RNF145: variants seen among roughly 807,000 people sequenced by gnomAD.
RNF145 encodes ring finger protein 145.
RNF145 carries 12 observed loss-of-function variants against 57.3 expected under a neutral mutation model. The observed-to-expected ratio is 0.21, with a 90% CI of 0.13 to 0.34. The LOEUF (loss-of-function observed/expected upper bound fraction) is 0.34. RNF145 is among the 10% of genes least tolerant of loss of function. The pLI is 1.00. For missense variants in RNF145, 429 were observed against 799.0 expected, an observed-to-expected ratio of 0.54 and a Z score of 5.58; for synonymous variants, 262 against 288.3, an observed-to-expected ratio of 0.91 and a Z score of 0.92.
At chr5:159,184,863 A>C (rs997798897) in intron 3 of RNF145, among the ~76,000 whole-genome samples, 1 of 151,548 alleles carries the variant, frequency 6.6e-6, no homozygotes, top group Non-Finnish European at 1.5e-5. Flanking sequence ...CTTTCTCTAT[A>C]CTCATTACTT....
intron 2 of RNF145, among the ~76,000 whole-genome samples, chr5:159,197,398 T>A (rs906071842): frequency 2.0e-5 from 3 of 152,206 alleles, no homozygotes; most frequent in Non-Finnish European, 4.4e-5. Context: ...AATTTAGACT[T>A]AGCTAATGGT....
At chr5:159,187,616 C>T (rs1471750677) in intron 3 of RNF145, among the ~76,000 whole-genome samples, 5 of 152,088 alleles carry the variant, frequency 3.3e-5, no homozygotes, top group East Asian at 1.9e-4. Context: ...CGTGTGCCAC[C>T]ACTCCCGGCC....
intron 8 of RNF145, among the ~76,000 whole-genome samples, chr5:159,163,778 A>T (rs1784306651): frequency 6.6e-6 from 1 of 152,126 alleles, no homozygotes; most frequent in Non-Finnish European, 1.5e-5. Flanking sequence ...TTTTCCATCC[A>T]AGCTTGTCAA....
chr5:159,159,434 G>T (rs1438050249), intron 10 of RNF145, among the ~76,000 whole-genome samples: 1 of 152,124 alleles, frequency 6.6e-6, no homozygotes, highest in Middle Eastern at 3.2e-3. Context: ...CTACAGTTTT[G>T]CTTCAACACA....
chr5:159,202,336 C>T (rs549906831), intron 2 of RNF145, among the ~76,000 whole-genome samples: 1 of 152,194 alleles, frequency 6.6e-6, no homozygotes, highest in East Asian at 1.9e-4. Flanking sequence ...AATTGGCTAA[C>T]ATACAAAGCC....
chr5:159,189,578 G>A (rs1158127203), intron 3 of RNF145, among the ~76,000 whole-genome samples: 2 of 152,190 alleles, frequency 1.3e-5, no homozygotes. Context: ...ACATGATTCA[G>A]CAATTCCACT....
intron 4 of RNF145, among the ~76,000 whole-genome samples, chr5:159,179,698 TA>T (rs2113149369): frequency 6.6e-6 from 1 of 152,260 alleles, no homozygotes; most frequent in Non-Finnish European, 1.5e-5. Flanking sequence ...ATATCTTCAT[TA>T]TTGAATGTTA....
At chr5:159,206,322 T>C (rs1162097323) in intron 1 of RNF145, among the ~76,000 whole-genome samples, 7 of 152,186 alleles carry the variant, frequency 4.6e-5, no homozygotes, top group Non-Finnish European at 1.0e-4. Context: ...GCTGGTCATG[T>C]ATAAAGGCAC....
At position 159,194,837 on chromosome 5, in the gene RNF145, G is replaced by C. The variant is rs200542899; in HGVS notation, c.185-13C>G. 1 of 1,510,560 alleles carries C rather than the reference G, an allele frequency of 6.6e-7. No homozygotes were observed. Among genetic ancestry groups the C allele is most frequent in the Admixed American group, 2.0e-5 (1 of 51,188 alleles). The allele number at this position is 1,510,560 out of a possible 1,614,324, so 93.6% of individuals were successfully genotyped here. A position where few individuals can be genotyped will look rare whatever the true frequency, so the allele number is the denominator to read the frequency against. On this transcript the variant is annotated splice_polypyrimidine_tract_variant and intron_variant, in intron 2 of 10. Transcript: ENST00000424310. ...CTTAAGATATAACCTGTACCAGAAA[G>C]ATAAATAAAATACAATTTTAATTTA...
intron 3 of RNF145, among the ~76,000 whole-genome samples, chr5:159,183,722 T>G (rs559962279): frequency 6.6e-6 from 1 of 152,248 alleles, no homozygotes; most frequent in South Asian, 2.1e-4. Context: ...CCCAATAATT[T>G]CTTTTTGGTC....
At chr5:159,203,320 A>G (rs995083151) in intron 2 of RNF145, 114 bp downstream of exon 2, 44 of 702,322 alleles carry the variant, frequency 6.3e-5, no homozygotes, top group Middle Eastern at 2.9e-4. Context: ...ATCAATAACT[A>G]TATCACTATC....
chr5:159,207,837 C>T, intron 1 of RNF145: 1 of 1,614,162 alleles, frequency 6.2e-7, no homozygotes, highest in Non-Finnish European at 8.5e-7. Flanking sequence ...ACTCTGAATA[C>T]AAAGGCCATC....
intron 2 of RNF145, among the ~76,000 whole-genome samples, chr5:159,195,710 T>C (rs966997005): frequency 6.6e-6 from 1 of 152,218 alleles, no homozygotes; most frequent in Non-Finnish European, 1.5e-5. Context: ...TGTTTTTCTC[T>C]ATATATAAAG....
chr5:159,209,887 ATCCTG>A (rs771956246), upstream of RNF145: 67 of 1,536,120 alleles, frequency 4.4e-5, 1 homozygote, highest in South Asian at 8.0e-4. Context: ...TGAAGGGCTG[ATCCTG>A]TCCCGGTGCA....
chr5:159,163,984 T>A (rs1784315861), intron 8 of RNF145, among the ~76,000 whole-genome samples: 1 of 152,206 alleles, frequency 6.6e-6, no homozygotes, highest in African/African-American at 2.4e-5. Flanking sequence ...GCTGTTTTAA[T>A]TAAACATCAA....
At chr5:159,169,461 A>C (rs1784480323) in intron 7 of RNF145, among the ~76,000 whole-genome samples, 1 of 152,218 alleles carries the variant, frequency 6.6e-6, no homozygotes, top group Non-Finnish European at 1.5e-5. Flanking sequence ...GAAGGTGCCC[A>C]ATATTCATCA....
At chr5:159,179,723 T>C (rs932730316) in intron 4 of RNF145, among the ~76,000 whole-genome samples, 3 of 152,146 alleles carry the variant, frequency 2.0e-5, no homozygotes, top group African/African-American at 4.8e-5. Flanking sequence ...TTAATAAATA[T>C]GCCAACTCAT....
intron 1 of RNF145, chr5:159,207,376 A>G: frequency 1.3e-6 from 1 of 750,298 alleles, no homozygotes; most frequent in South Asian, 1.9e-5. Context: ...TAAAAAGACA[A>G]AGAAAAAACA....
At chr5:159,188,780 A>C (rs1785178244) in intron 3 of RNF145, among the ~76,000 whole-genome samples, 1 of 152,176 alleles carries the variant, frequency 6.6e-6, no homozygotes. Context: ...ACATATTCTA[A>C]ACAAGTTTTT....
Sources: gnomAD v4.1 joint callset for allele counts (sites outside exome capture counted in the v4.1 genomes callset) on GRCh38, gnomAD v4.1.1 for gene constraint, MANE v1.5 for transcripts, NCBI Gene and HGNC (gene_info 2026-07-23, HGNC 2026-07-21) for gene names.